ESPNL: variants seen among roughly 807,000 people sequenced by gnomAD.
ESPNL encodes the protein espin-like protein.
A neutral mutation model predicts 46.8 loss-of-function variants in ESPNL; 49 were observed. That is an observed-to-expected ratio of 1.05 (90% CI 0.83 to 1.33). The LOEUF (loss-of-function observed/expected upper bound fraction) is 1.33, where lower values mean the gene tolerates loss of function less well. Among genes scored for constraint, ESPNL ranks in the 40% most tolerant of loss-of-function variants. The probability of loss-of-function intolerance (pLI) is 0.00; values close to 1 mark genes in which losing one functional copy is unlikely to be tolerated. For missense variants in ESPNL, 1,540 were observed against 1,436.6 expected, an observed-to-expected ratio of 1.07 and a Z score of -1.16; for synonymous variants, 664 against 662.1, an observed-to-expected ratio of 1.00 and a Z score of -0.04.
intron 5 of ESPNL, among the ~76,000 whole-genome samples, chr2:238,117,468 C>CGTGGGTGAT (rs56313682): frequency 4.9e-5 from 6 of 121,608 alleles, no homozygotes; most frequent in Non-Finnish European, 7.4e-5. Flanking sequence ...CAGAGTTCCT[C>CGTGGGTGAT]GTGGGTGATG....
chr2:238,125,096 G>A (rs897252622), intron 5 of ESPNL, among the ~76,000 whole-genome samples, 174 bp from the exon 6 acceptor site: 2 of 152,156 alleles, frequency 1.3e-5, no homozygotes, highest in African/African-American at 4.8e-5. Context: ...GATGACCCTG[G>A]GACAGAACCC....
intron 3 of ESPNL, 77 bp from the exon 4 acceptor site, chr2:238,107,714 T>A: frequency 1.4e-6 from 2 of 1,407,698 alleles, no homozygotes; most frequent in Admixed American, 2.3e-5. Context: ...CCACTTTCAC[T>A]TCTGCTCCAA....
chr2:238,114,693 G>A lies in ESPNL; in HGVS notation c.856-2210G>A, dbSNP rs1013394800. On this transcript the variant is annotated intron_variant, in intron 4 of 8. Coordinates refer to ENST00000343063, the MANE Select transcript of ESPNL (RefSeq NM_194312.4). This position sits in a 1 kb window ranked among gnomAD's most constrained non-coding sequence, Gnocchi z 5.0. ...AAGGGGTGTGCGCACGCCTGATTTT[G>A]TGTGGCCCCACAAGCTCAAAATAGT... Among the ~76,000 whole-genome samples, 40 of 152,226 alleles carry A rather than the reference G, an allele frequency of 2.6e-4. No homozygotes were observed. The highest frequency in any genetic ancestry group is 2.6e-4 in the Non-Finnish European group (18 of 68,042).
At chr2:238,104,049 T>C (rs1691541512) in intron 2 of ESPNL, among the ~76,000 whole-genome samples, 1 of 152,224 alleles carries the variant, frequency 6.6e-6, no homozygotes, top group South Asian at 2.1e-4. Flanking sequence ...CTATCAGAAG[T>C]GGGGAGCAGG....
At position 238,131,677 on chromosome 2, in the gene ESPNL, G is replaced by T. The variant is rs140603175; in HGVS notation, c.2963G>T (p.Arg988Leu). Residue 988 changes from arginine to leucine, a missense_variant, in exon 9 of 9, where the codon CGC becomes CTC. Arg to Leu is a moderately radical substitution (Grantham distance 102). Transcript: ENST00000343063. The part of the protein sequence containing the change: ...NGEDICGYIN[R>L]SFAFWKEKEA... ...GAGGACATCTGCGGCTACATCAACC[G>T]CAGCTTTGCCTTCTGGAAGGAGAAG... 1.7e-5 allele frequency: 27 copies of T among 1,599,596 alleles called. No individual in the cohort carries two copies. Among genetic ancestry groups the T allele is most frequent in the Admixed American group, 6.7e-5 (4 of 59,642 alleles).
At position 238,108,318 on chromosome 2, in the gene ESPNL, TG is replaced by T. The variant is rs1456848665; in HGVS notation, c.855+346del. Among the ~76,000 whole-genome samples, 3 of 152,012 alleles carry T rather than the reference TG, an allele frequency of 2.0e-5. No homozygotes were observed. In the East Asian group the frequency reaches 5.8e-4, roughly 29 times the overall value. On this transcript the variant is annotated intron_variant, in intron 4 of 8. Coordinates refer to ENST00000343063, the MANE Select transcript of ESPNL (RefSeq NM_194312.4). ...CCTGCGAGTAGAGCTGTGGCAGGGG[TG>T]TGATGTCAGCCCCTTTGCTATTACC...
intron 5 of ESPNL, among the ~76,000 whole-genome samples, chr2:238,124,306 G>A (rs1314786142): frequency 6.6e-6 from 1 of 152,238 alleles, no homozygotes; most frequent in Non-Finnish European, 1.5e-5. Flanking sequence ...GCACAGTGGG[G>A]GAGGTGCCCA....
intron 5 of ESPNL, among the ~76,000 whole-genome samples, chr2:238,124,025 G>GC (rs1167649787): frequency 2.0e-5 from 3 of 152,236 alleles, no homozygotes; most frequent in African/African-American, 4.8e-5. Flanking sequence ...CTGCAGTCCG[G>GC]CCCCGGTGCA....
rs776815971 is a variant in ESPNL at position 238,114,682 on chromosome 2, C to T, written c.856-2221C>T. 3.3e-5 allele frequency among the ~76,000 whole-genome samples: 5 copies of T among 152,320 alleles called. No homozygotes were observed. Among genetic ancestry groups the T allele is most frequent in the South Asian group, 2.1e-4 (1 of 4,828 alleles). On this transcript the variant is annotated intron_variant, in intron 4 of 8. Coordinates refer to ENST00000343063, the MANE Select transcript of ESPNL (RefSeq NM_194312.4). The surrounding 1 kb of genome is among the most constrained non-coding windows in gnomAD (Gnocchi z 5.0). ...AGCCCCCGGGGAAGGGGTGTGCGCA[C>T]GCCTGATTTTGTGTGGCCCCACAAG...
intron 1 of ESPNL, among the ~76,000 whole-genome samples, chr2:238,101,644 A>G (rs1411486754): frequency 1.3e-5 from 2 of 152,120 alleles, no homozygotes; most frequent in Non-Finnish European, 2.9e-5. Context: ...GTCTGCGGGC[A>G]CCCGACTGCG....
At chr2:238,123,779 C>A (rs1335348123) in intron 5 of ESPNL, among the ~76,000 whole-genome samples, 1 of 152,222 alleles carries the variant, frequency 6.6e-6, no homozygotes, top group Non-Finnish European at 1.5e-5. Context: ...CCACCGCGCA[C>A]CAGGGTTCCT....
In ESPNL at chr2:238,131,172, G is replaced by T. The variant is rs1574749382; in HGVS notation, c.2458G>T (p.Ala820Ser). ...NWKAIMAHVP[A>S]RQLRRLSRQP... ...GAAGGCCATCATGGCTCACGTGCCC[G>T]CCCGGCAGCTGCGGCGGCTGAGCCG... is the stretch of plus-strand genomic sequence containing the variant. The change falls in exon 9 of 9, where the codon GCC becomes TCC. Residue 820 changes from alanine (A) to serine (S), a missense_variant. By Grantham distance (99) the Ala-to-Ser change is moderately conservative. Transcript: ENST00000343063. 1.9e-6 allele frequency: 3 copies of T among 1,544,562 alleles called. No homozygotes were observed. The highest frequency in any genetic ancestry group is 2.7e-5 in the African/African-American group (2 of 72,998).
chr2:238,116,426 G>C (rs559732423), intron 4 of ESPNL, among the ~76,000 whole-genome samples: 3 of 152,238 alleles, frequency 2.0e-5, no homozygotes, highest in Non-Finnish European at 4.4e-5. Context: ...CAGGCACTAG[G>C]GGGGAACCTC....
chr2:238,126,569 G>T (rs1692123216), intron 6 of ESPNL, among the ~76,000 whole-genome samples: 1 of 91,434 alleles, frequency 1.1e-5, no homozygotes, highest in African/African-American at 3.3e-5. Flanking sequence ...GATTGTGTTT[G>T]TGTGTGTCTG....
At chr2:238,107,368 C>T (rs561799938) in intron 3 of ESPNL, among the ~76,000 whole-genome samples, 1 of 152,342 alleles carries the variant, frequency 6.6e-6, no homozygotes, top group South Asian at 2.1e-4. Context: ...CCCGCTGCTC[C>T]AGCAAAGGGG....
intron 4 of ESPNL, among the ~76,000 whole-genome samples, chr2:238,115,017 G>C (rs1006491615): frequency 6.6e-6 from 1 of 152,226 alleles, no homozygotes; most frequent in Non-Finnish European, 1.5e-5. Context: ...GCAGTGACAA[G>C]CCCTGTGGCT....
At chr2:238,106,950 G>A (rs767517580) in intron 3 of ESPNL, among the ~76,000 whole-genome samples, 3 of 152,338 alleles carry the variant, frequency 2.0e-5, no homozygotes, top group Middle Eastern at 6.8e-3. Context: ...CCCTGGCTGC[G>A]CTAGGAGGCA....
chr2:238,119,581 A>G (rs1236038314), intron 5 of ESPNL, among the ~76,000 whole-genome samples: 5 of 148,796 alleles, frequency 3.4e-5, no homozygotes, highest in African/African-American at 1.0e-4. Flanking sequence ...GAGGAGGTGG[A>G]TGGAGGAGGT....
intron 4 of ESPNL, among the ~76,000 whole-genome samples, chr2:238,115,355 G>A (rs549262653): frequency 5.3e-5 from 8 of 152,304 alleles, no homozygotes; most frequent in African/African-American, 1.9e-4. Context: ...GGTGAGTGTC[G>A]GTAGGGGCCG....
Sources: allele counts gnomAD v4.1 joint callset (sites outside exome capture counted in the v4.1 genomes callset), GRCh38; gene constraint gnomAD v4.1.1; non-coding constraint Gnocchi (gnomAD v3.1); transcripts MANE v1.5; gene names NCBI Gene and HGNC (gene_info 2026-07-23, HGNC 2026-07-21).